INPP4B: variants seen among roughly 807,000 people sequenced by gnomAD.
The protein encoded by INPP4B is inositol polyphosphate-4-phosphatase type II B, also known as inositol polyphosphate 4-phosphatase type II.
INPP4B carries 55 observed loss-of-function variants against 122.5 expected under a neutral mutation model. That is an observed-to-expected ratio of 0.45 (90% CI 0.36 to 0.56). The LOEUF (loss-of-function observed/expected upper bound fraction) is 0.56. Ranked by LOEUF, INPP4B falls within the 20% of genes least tolerant of loss-of-function variation. INPP4B has a pLI of 0.00. For missense variants in INPP4B, 1,000 were observed against 1,097.7 expected (o/e 0.91, Z 1.26); for synonymous variants, 403 against 388.7 (o/e 1.04, Z -0.43).
chr4:142,699,403 C>T (rs368347044), intron 2 of INPP4B, among the ~76,000 whole-genome samples: 5 of 152,128 alleles, frequency 3.3e-5, no homozygotes, highest in African/African-American at 4.8e-5. Flanking sequence ...ACTACCATGA[C>T]TCTCTTGTGC....
chr4:142,598,580 A>T (rs1006140093), intron 2 of INPP4B, among the ~76,000 whole-genome samples: 3 of 152,136 alleles, frequency 2.0e-5, no homozygotes, highest in Admixed American at 2.0e-4. Flanking sequence ...ACTCCAGCCC[A>T]CAGGAAGTAC....
intron 3 of INPP4B, among the ~76,000 whole-genome samples, chr4:142,437,668 A>T (rs1463796307): frequency 2.0e-5 from 3 of 152,132 alleles, no homozygotes; most frequent in Non-Finnish European, 2.9e-5. Flanking sequence ...TAAGCTTCAC[A>T]AGCTTAGTTT....
At chr4:142,177,801 T>G (rs1177406814) in intron 15 of INPP4B, among the ~76,000 whole-genome samples, 1 of 152,154 alleles carries the variant, frequency 6.6e-6, no homozygotes, top group Non-Finnish European at 1.5e-5. Flanking sequence ...GAAGTAACAT[T>G]CACATTCATA....
At chr4:142,133,931 C>G (rs1234994636) in intron 18 of INPP4B, among the ~76,000 whole-genome samples, 2 of 152,192 alleles carry the variant, frequency 1.3e-5, no homozygotes, top group East Asian at 3.9e-4. Context: ...TACAACATTA[C>G]ATCAAAACCC....
intron 24 of INPP4B, 58 bp downstream of exon 24, chr4:142,086,086 G>T: frequency 8.7e-7 from 1 of 1,144,036 alleles, no homozygotes; most frequent in Non-Finnish European, 1.3e-6. Flanking sequence ...GTAGAGAACT[G>T]ATAATATTTG....
At chr4:142,466,520 A>G (rs1334340086) in intron 2 of INPP4B, among the ~76,000 whole-genome samples, 1 of 152,230 alleles carries the variant, frequency 6.6e-6, no homozygotes, top group Non-Finnish European at 1.5e-5. Flanking sequence ...TAGAACTTAC[A>G]ATTAAAAGGG....
At chr4:142,483,274 C>T (rs755802047) in intron 2 of INPP4B, among the ~76,000 whole-genome samples, 6 of 130,968 alleles carry the variant, frequency 4.6e-5, no homozygotes, top group Non-Finnish European at 7.8e-5. Flanking sequence ...AGCACACAAT[C>T]ATGGTGCTAA....
chr4:142,394,177 G>A lies in INPP4B; in HGVS notation c.372+8761C>T, dbSNP rs190081155. Reference sequence around the variant, plus strand: ...TTTGTTTGTTTTGAGACGGAGTCTCGCTCTGTCGCCCAGGGTAGAGTGCTG... The same window carrying A: ...TTTGTTTGTTTTGAGACGGAGTCTCACTCTGTCGCCCAGGGTAGAGTGCTG... On this transcript the variant is annotated intron_variant, in intron 7 of 25. Transcript: ENST00000262992. Among the ~76,000 whole-genome samples the A allele has an allele frequency of 4.3e-3, 649 of 152,206 alleles. 4 individuals carry two copies. The highest frequency in any genetic ancestry group is 0.015 in the African/African-American group (628 of 41,504).
At chr4:142,243,581 C>T (rs947038232) in intron 11 of INPP4B, among the ~76,000 whole-genome samples, 6 of 152,124 alleles carry the variant, frequency 3.9e-5, no homozygotes, top group East Asian at 1.9e-4. Context: ...AGGCAACATC[C>T]ATTTAAATCA....
chr4:142,400,250 A>G (rs1801165561), intron 7 of INPP4B, among the ~76,000 whole-genome samples: 1 of 152,210 alleles, frequency 6.6e-6, no homozygotes, highest in South Asian at 2.1e-4. Context: ...GACTCAACTA[A>G]TTAGTATTCA....
At chr4:142,449,160 C>T (rs1172925444) in intron 3 of INPP4B, among the ~76,000 whole-genome samples, 4 of 152,108 alleles carry the variant, frequency 2.6e-5, no homozygotes, top group African/African-American at 9.7e-5. Context: ...ACAAAATATC[C>T]TGAAGGCAAC....
chr4:142,193,212 C>T lies in INPP4B; in HGVS notation c.1073-17G>A, dbSNP rs1453707165. On this transcript the variant is annotated splice_polypyrimidine_tract_variant and intron_variant, in intron 14 of 25. Coordinates refer to ENST00000262992, the MANE Select transcript of INPP4B (RefSeq NM_001101669.3). ...AGAGAGCATCTGGAGTAGAAACAGA[C>T]AAGGAGATGAACACTTTGCAAACAT... 2 of 1,460,128 alleles carry T rather than the reference C, an allele frequency of 1.4e-6. No homozygotes were observed. Among genetic ancestry groups the T allele is most frequent in the Admixed American group, 1.7e-5 (1 of 59,542 alleles). 90.4% of individuals were successfully genotyped at this position (1,460,128 alleles called of 1,614,324 possible). A position where few individuals can be genotyped will look rare whatever the true frequency, so the allele number is the denominator to read the frequency against.
At chr4:142,140,941 T>C (rs533123690) in intron 18 of INPP4B, among the ~76,000 whole-genome samples, 33 of 152,292 alleles carry the variant, frequency 2.2e-4, no homozygotes, top group African/African-American at 7.7e-4. Context: ...TCTGCAGCTA[T>C]TAACTGTATT....
At chr4:142,618,466 G>A (rs936248523) in intron 2 of INPP4B, among the ~76,000 whole-genome samples, 2 of 151,996 alleles carry the variant, frequency 1.3e-5, no homozygotes, top group African/African-American at 4.8e-5. Context: ...AAGGTGTCAA[G>A]GATATGCCAA....
At chr4:142,116,102 G>A (rs981542962) in intron 21 of INPP4B, among the ~76,000 whole-genome samples, 4 of 152,152 alleles carry the variant, frequency 2.6e-5, no homozygotes, top group East Asian at 3.9e-4. Flanking sequence ...AATTCAACAC[G>A]AAGAGCTAAG....
intron 12 of INPP4B, among the ~76,000 whole-genome samples, chr4:142,213,282 G>A (rs1845655136): frequency 6.6e-6 from 1 of 152,112 alleles, no homozygotes; most frequent in Admixed American, 6.5e-5. Flanking sequence ...CAGGTGTTGG[G>A]TCTCTATCGT....
chr4:142,208,653 T>C, intron 13 of INPP4B, 124 bp from the exon 14 acceptor site: 1 of 542,160 alleles, frequency 1.8e-6, no homozygotes, highest in Non-Finnish European at 3.0e-6. Flanking sequence ...CCTATATTTA[T>C]GAGTTGCTTT....
intron 17 of INPP4B, among the ~76,000 whole-genome samples, chr4:142,154,827 C>T (rs1816308430): frequency 6.6e-6 from 1 of 152,076 alleles, no homozygotes; most frequent in Admixed American, 6.6e-5. Context: ...TGTTCACATG[C>T]TCCACTAACT....
intron 17 of INPP4B, among the ~76,000 whole-genome samples, chr4:142,159,924 T>C (rs1263770463): frequency 1.3e-5 from 2 of 152,026 alleles, no homozygotes; most frequent in East Asian, 1.9e-4. Flanking sequence ...TCTATGTCTA[T>C]TGTCGTTTAA....
Sources: allele counts gnomAD v4.1 joint callset (sites outside exome capture counted in the v4.1 genomes callset), GRCh38; gene constraint gnomAD v4.1.1; transcripts MANE v1.5; gene names NCBI Gene and HGNC (gene_info 2026-07-23, HGNC 2026-07-21).